Variants in DNAI1 observed in about 807,000 individuals in gnomAD.
DNAI1 encodes dynein, axonemal, intermediate polypeptide 1.
DNAI1 carries 67 observed loss-of-function variants against 92.0 expected under a neutral mutation model. That is an observed-to-expected ratio of 0.73 (90% confidence interval 0.60 to 0.89). The LOEUF is 0.89. DNAI1 is among the 40% of genes least tolerant of loss of function. The probability of loss-of-function intolerance (pLI) is 0.00; values close to 1 mark genes in which losing one functional copy is unlikely to be tolerated. For synonymous variants in DNAI1, 323 were observed against 319.6 expected (o/e 1.01, Z -0.11); for missense variants, 839 against 866.6 (o/e 0.97, Z 0.40).
At chr9:34,475,494 C>CT (rs2132048456) in intron 1 of DNAI1, among the ~76,000 whole-genome samples, 1 of 152,322 alleles carries the variant, frequency 6.6e-6, no homozygotes, top group East Asian at 1.9e-4. Flanking sequence ...TCCCATGTGA[C>CT]TGACAGCAGA....
At chr9:34,480,495 C>T (rs1824331381) in intron 1 of DNAI1, among the ~76,000 whole-genome samples, 1 of 151,796 alleles carries the variant, frequency 6.6e-6, no homozygotes, top group Non-Finnish European at 1.5e-5. Flanking sequence ...CCAGGCTGGT[C>T]TCCAACTTGT....
Position 34,493,240 on chromosome 9 carries a change from A to C in DNAI1, c.728A>C (p.Lys243Thr), listed in dbSNP as rs1824645344. The change falls in exon 9 of 20, where the codon AAG (lysine) becomes ACG (threonine). Residue 243 changes from lysine to threonine, a missense_variant. By Grantham distance (78) the Lys-to-Thr change is moderately conservative (BLOSUM62 -1). Transcript: ENST00000242317. ...AYVEELEKQE[K>T]TKEKEKAKTP... ...GTAGAGGAACTTGAGAAGCAGGAAA[A>C]GACCAAAGAGAAGGAGAAGGCAAAG... The C allele has an allele frequency of 1.9e-6, 3 of 1,614,090 alleles. No homozygotes were observed. The highest frequency in any genetic ancestry group is 2.5e-6 in the Non-Finnish European group (3 of 1,180,046).
chr9:34,459,040 A>T lies in DNAI1; in HGVS notation c.35A>T (p.Gln12Leu). The T allele has an allele frequency of 6.2e-7, 1 of 1,614,152 alleles. No homozygotes were observed. Among genetic ancestry groups the T allele is most frequent in the Non-Finnish European group, 8.5e-7 (1 of 1,180,000 alleles). The change falls in exon 1 of 20, where the codon CAG becomes CTG. Residue 12 changes from glutamine to leucine, a missense_variant. Physicochemically the swap from Gln to Leu is moderately radical, Grantham distance 113. Coordinates refer to ENST00000242317, the MANE Select transcript of DNAI1 (RefSeq NM_012144.4). ...IPASAKAPHK[Q>L]PHKQSISIGR... ...GCTTCTGCGAAGGCTCCCCATAAAC[A>T]GCCTCATAAGCAGGTAACGTACGCA...
Position 34,485,183 on chromosome 9 carries a change from A to G in DNAI1, c.123A>G (p.Glu41=), listed in dbSNP as rs750880377. Reference sequence around the variant, plus strand: ...CTGAAGTGGGAGAAGGCACAGATGAATGGGCCCAATCCAAAGCCACAGTTA... The same window carrying G: ...CTGAAGTGGGAGAAGGCACAGATGAGTGGGCCCAATCCAAAGCCACAGTTA... ...SGTEVGEGTD[E]WAQSKATVRP... Residue 41 remains glutamate (E), a synonymous_variant, in exon 3 of 20, where the codon GAA becomes GAG. Transcript: ENST00000242317. The G allele has an allele frequency of 1.9e-6, 3 of 1,614,126 alleles. No homozygotes were observed. The highest frequency in any genetic ancestry group is 1.7e-5 in the Admixed American group (1 of 60,020).
chr9:34,483,987 AGGT>A (rs1727517895), intron 2 of DNAI1, among the ~76,000 whole-genome samples: 3 of 152,148 alleles, frequency 2.0e-5, no homozygotes, highest in African/African-American at 7.2e-5. Flanking sequence ...AGGCCGAGGC[AGGT>A]GGATCACTTG....
chr9:34,499,024 C>A (rs1294322837), intron 10 of DNAI1, among the ~76,000 whole-genome samples: 2 of 152,208 alleles, frequency 1.3e-5, no homozygotes, highest in African/African-American at 4.8e-5. Context: ...GAACCACTTT[C>A]ATTTATAAGA....
intron 9 of DNAI1, among the ~76,000 whole-genome samples, chr9:34,496,364 C>T (rs1383551280): frequency 6.6e-6 from 1 of 152,256 alleles, no homozygotes; most frequent in African/African-American, 2.4e-5. Flanking sequence ...CTGGCTCACT[C>T]CTGCCACCTG....
chr9:34,478,437 C>T (rs986057153), intron 1 of DNAI1, among the ~76,000 whole-genome samples: 3 of 152,178 alleles, frequency 2.0e-5, no homozygotes, highest in Admixed American at 2.0e-4. Context: ...TCAGCAATGT[C>T]AAGTCCTATA....
In DNAI1 at chr9:34,477,111, G is replaced by A. The variant is rs561051720; in HGVS notation, c.49-6337G>A. ...GCGCACTGCAGCCTTGAATTCCTGA[G>A]GTCAAGCAATCCTCTTACCTCAGCC... On this transcript the variant is annotated intron_variant, in intron 1 of 19. Transcript: ENST00000242317. Among the ~76,000 whole-genome samples the A allele has an allele frequency of 7.9e-5, 12 of 152,118 alleles. No individual in the cohort carries two copies. In the South Asian group the frequency reaches 2.5e-3, roughly 32 times the overall value.
intron 4 of DNAI1, 129 bp downstream of exon 4, chr9:34,485,646 A>C: frequency 1.1e-6 from 1 of 887,908 alleles, no homozygotes; most frequent in South Asian, 1.4e-5. Context: ...CTTGGCTAGA[A>C]TCCTCAGATT....
intron 1 of DNAI1, among the ~76,000 whole-genome samples, chr9:34,464,335 G>T (rs1328482512): frequency 1.3e-5 from 2 of 152,176 alleles, no homozygotes; most frequent in Non-Finnish European, 2.9e-5. Context: ...AATCGCTCCA[G>T]AGACCTGAAT....
At chr9:34,505,691 T>C (rs1824912602) in intron 12 of DNAI1, among the ~76,000 whole-genome samples, 1 of 152,210 alleles carries the variant, frequency 6.6e-6, no homozygotes, top group Non-Finnish European at 1.5e-5. Flanking sequence ...CTGCTGTCAG[T>C]GGCTGGCCTG....
intron 1 of DNAI1, among the ~76,000 whole-genome samples, chr9:34,479,439 C>A (rs1037242112): frequency 1.4e-4 from 22 of 152,150 alleles, no homozygotes; most frequent in Non-Finnish European, 2.5e-4. Flanking sequence ...ATTTCATTGG[C>A]CTGTTTTGCA....
Position 34,496,640 on chromosome 9 carries a change from T to G in DNAI1, c.817-475T>G, listed in dbSNP as rs568543638. Among the ~76,000 whole-genome samples, 17 of 152,328 alleles carry G rather than the reference T, an allele frequency of 1.1e-4. 1 individual carries two copies. The South Asian group carries it at 2.1e-3, about 19-fold the overall frequency. On this transcript the variant is annotated intron_variant, in intron 9 of 19. Transcript: ENST00000242317. ...CTCCCCTCTTTGGGCCTTGGTGCCT[T>G]CCTCAGCCTGTAACTGAGTAAGGGA...
intron 1 of DNAI1, among the ~76,000 whole-genome samples, chr9:34,463,217 T>TAA (rs1823981230): frequency 6.6e-6 from 1 of 152,060 alleles, no homozygotes; most frequent in Non-Finnish European, 1.5e-5. Flanking sequence ...ATAGCAAGTA[T>TAA]AAAGTCCCTG....
chr9:34,499,823 T>A (rs2132071181), intron 10 of DNAI1, among the ~76,000 whole-genome samples: 1 of 152,178 alleles, frequency 6.6e-6, no homozygotes, highest in East Asian at 1.9e-4. Flanking sequence ...ATAACGTGGA[T>A]CTCCTCTTGG....
chr9:34,494,310 AGG>A (rs1824672387), intron 9 of DNAI1, among the ~76,000 whole-genome samples: 1 of 152,086 alleles, frequency 6.6e-6, no homozygotes, highest in African/African-American at 2.4e-5. Context: ...GGGAAGTTTG[AGG>A]GTACCCTGCC....
rs1824588698 is a variant in DNAI1 at position 34,491,439 on chromosome 9, T to G, written c.622-56T>G. The G allele has an allele frequency of 5.0e-6, 8 of 1,586,318 alleles. No individual in the cohort carries two copies. In the East Asian group the frequency reaches 1.6e-4, roughly 31 times the overall value. On this transcript the variant is annotated intron_variant, in intron 7 of 19. Transcript: ENST00000242317. ...CTTCTCTCAAAGATATACTGTTGGA[T>G]TAAGTGAGAAGGAGTTGAGGGCTTT...
intron 1 of DNAI1, among the ~76,000 whole-genome samples, chr9:34,482,792 G>A (rs1431052286): frequency 6.6e-6 from 1 of 152,258 alleles, no homozygotes; most frequent in Non-Finnish European, 1.5e-5. Flanking sequence ...TGGTCGATGG[G>A]ACTGGGCGCC....
Sources: gnomAD v4.1 joint callset for allele counts (sites outside exome capture counted in the v4.1 genomes callset) on GRCh38, gnomAD v4.1.1 for gene constraint, MANE v1.5 for transcripts, NCBI Gene and HGNC (gene_info 2026-07-23, HGNC 2026-07-21) for gene names.